The following PRIM2 variants were observed in gnomAD, a reference collection of about 807,000 sequenced individuals.
PRIM2 encodes the protein DNA primase large subunit.
A neutral mutation model predicts 67.3 loss-of-function variants in PRIM2; 39 were observed. The observed-to-expected ratio is 0.58, with a 90% CI of 0.45 to 0.76. PRIM2 has a LOEUF of 0.76. Ranked by LOEUF, PRIM2 falls within the 30% of genes least tolerant of loss-of-function variation. PRIM2 has a pLI of 0.00. For synonymous variants in PRIM2, 143 were observed against 198.7 expected, an observed-to-expected ratio of 0.72 and a Z score of 2.36; for missense variants, 398 against 598.7, an observed-to-expected ratio of 0.66 and a Z score of 3.50.
At chr6:57,634,197 G>T (rs1454121197) in intron 13 of PRIM2, among the ~76,000 whole-genome samples, 3 of 152,176 alleles carry the variant, frequency 2.0e-5, no homozygotes, top group African/African-American at 7.2e-5. Context: ...AATGACAGCA[G>T]AGGTAATTGG....
intron 10 of PRIM2, among the ~76,000 whole-genome samples, chr6:57,540,276 C>G (rs1775119222): frequency 6.6e-6 from 1 of 152,020 alleles, no homozygotes; most frequent in Admixed American, 6.6e-5. Context: ...CATACACACA[C>G]TCACACACAC....
chr6:57,237,570 T>C, the PRIM2 span, among the ~76,000 whole-genome samples: 2 of 152,234 alleles, frequency 1.3e-5, no homozygotes, highest in Non-Finnish European at 2.9e-5. Flanking sequence ...AAGTCTTTAA[T>C]CCACTTTGAA....
At chr6:57,587,092 T>TTAA (rs1349028804) in intron 10 of PRIM2, 2 of 152,338 alleles carry the variant, frequency 1.3e-5, no homozygotes, top group African/African-American at 2.4e-5. Flanking sequence ...CACAGAATAA[T>TTAA]TAAACTTTTC....
intron 12 of PRIM2, among the ~76,000 whole-genome samples, chr6:57,613,691 C>T (rs1348277341): frequency 2.0e-5 from 3 of 152,156 alleles, no homozygotes; most frequent in Admixed American, 6.5e-5. Flanking sequence ...TTCTGGCATT[C>T]GTTCCTTGAG....
intron 10 of PRIM2, among the ~76,000 whole-genome samples, chr6:57,589,216 TC>T (rs1191827551): frequency 6.6e-6 from 1 of 152,182 alleles, no homozygotes; most frequent in Non-Finnish European, 1.5e-5. Flanking sequence ...TCTAAATTGT[TC>T]AACAAACCTT....
At chr6:57,286,218 A>G in the PRIM2 span, among the ~76,000 whole-genome samples, 2 of 152,326 alleles carry the variant, frequency 1.3e-5, no homozygotes, top group African/African-American at 4.8e-5. Context: ...ATCCCCATCA[A>G]GCTACCAATG....
intron 7 of PRIM2, among the ~76,000 whole-genome samples, chr6:57,473,673 A>G (rs1773393130): frequency 6.6e-6 from 1 of 152,138 alleles, no homozygotes; most frequent in Non-Finnish European, 1.5e-5. Context: ...AAACAAACGA[A>G]CAAAACCGGG....
chr6:57,640,878 C>G (rs1477990511), intron 13 of PRIM2, among the ~76,000 whole-genome samples: 1 of 151,606 alleles, frequency 6.6e-6, no homozygotes, highest in East Asian at 1.9e-4. Context: ...GAAAAAACTA[C>G]TTTAAATTTC....
chr6:57,249,992 A>G, the PRIM2 span, among the ~76,000 whole-genome samples: 1 of 152,170 alleles, frequency 6.6e-6, no homozygotes, highest in South Asian at 2.1e-4. Flanking sequence ...CAGTATCTAA[A>G]TGTGTATCTT....
At chr6:57,570,370 T>G (rs1470302732) in intron 10 of PRIM2, among the ~76,000 whole-genome samples, 2 of 152,246 alleles carry the variant, frequency 1.3e-5, no homozygotes, top group African/African-American at 4.8e-5. Context: ...ATTTCTTTTG[T>G]GATCACCTAA....
intron 7 of PRIM2, among the ~76,000 whole-genome samples, chr6:57,473,752 C>T (rs1486412736): frequency 6.6e-6 from 1 of 152,090 alleles, no homozygotes; most frequent in Non-Finnish European, 1.5e-5. Context: ...ATTTCCCTGG[C>T]AACCCTCTTA....
At chr6:57,391,574 C>T (rs1054699627) in intron 7 of PRIM2, among the ~76,000 whole-genome samples, 5 of 151,958 alleles carry the variant, frequency 3.3e-5, no homozygotes, top group African/African-American at 1.2e-4. Flanking sequence ...CTTCAATCTT[C>T]TGCATATGGC....
the PRIM2 span, among the ~76,000 whole-genome samples, chr6:57,255,514 A>G: frequency 6.8e-6 from 1 of 146,664 alleles, no homozygotes; most frequent in African/African-American, 2.5e-5. Context: ...AAAAAAAAAA[A>G]GAATTACTCT....
At chr6:57,494,172 A>G (rs1385877754) in intron 7 of PRIM2, among the ~76,000 whole-genome samples, 1 of 152,228 alleles carries the variant, frequency 6.6e-6, no homozygotes, top group Non-Finnish European at 1.5e-5. Flanking sequence ...TAGGGCAGGT[A>G]CAGATAATAG....
At chr6:57,227,187 C>T in the PRIM2 span, among the ~76,000 whole-genome samples, 1 of 152,082 alleles carries the variant, frequency 6.6e-6, no homozygotes, top group Non-Finnish European at 1.5e-5. Context: ...CTAGACAACT[C>T]TCTGACTTTT....
chr6:57,312,682 C>A (rs1485377788), upstream of PRIM2, among the ~76,000 whole-genome samples: 1 of 152,154 alleles, frequency 6.6e-6, no homozygotes, highest in Admixed American at 6.5e-5. Flanking sequence ...GCATTAACTA[C>A]GTTCACATTA....
chr6:57,506,271 C>T (rs1260107113), intron 7 of PRIM2, among the ~76,000 whole-genome samples: 1 of 151,576 alleles, frequency 6.6e-6, no homozygotes, highest in East Asian at 1.9e-4. Flanking sequence ...GAAAGCTTCT[C>T]CATTATTATC....
At chr6:57,450,038 G>A (rs1256495985) in intron 7 of PRIM2, among the ~76,000 whole-genome samples, 3 of 152,154 alleles carry the variant, frequency 2.0e-5, no homozygotes, top group South Asian at 2.1e-4. Context: ...ATTCTAGAGA[G>A]CCTGTCACTT....
chr6:57,227,814 T>C, the PRIM2 span, among the ~76,000 whole-genome samples: 4 of 152,208 alleles, frequency 2.6e-5, no homozygotes, highest in East Asian at 7.7e-4. Context: ...TGGGCAGTTA[T>C]GAATTCAAAC....
Sources: gnomAD v4.1 joint callset for allele counts (sites outside exome capture counted in the v4.1 genomes callset) on GRCh38, gnomAD v4.1.1 for gene constraint, MANE v1.5 for transcripts, NCBI Gene and HGNC (gene_info 2026-07-23, HGNC 2026-07-21) for gene names.